ATG12: variants seen among roughly 807,000 people sequenced by gnomAD.
ATG12 encodes ubiquitin-like protein ATG12.
A neutral mutation model predicts 17.6 loss-of-function variants in ATG12; 19 were observed. The observed-to-expected ratio is 1.08, with a 90% confidence interval of 0.75 to 1.58. The LOEUF is 1.58. ATG12 is among the 40% of genes most tolerant of loss of function. The pLI is 0.00. For synonymous variants in ATG12, 75 were observed against 62.4 expected (o/e 1.20, Z -0.95); for missense variants, 214 against 162.0 (o/e 1.32, Z -1.74).
chr5:115,840,175 A>T (rs935698303), intron 1 of ATG12, among the ~76,000 whole-genome samples: 1 of 152,248 alleles, frequency 6.6e-6, no homozygotes, highest in Non-Finnish European at 1.5e-5. Context: ...TATCCATGGA[A>T]ATACTTATAG....
chr5:115,832,152 T>C (rs1760894053), intron 3 of ATG12, among the ~76,000 whole-genome samples: 1 of 152,076 alleles, frequency 6.6e-6, no homozygotes, highest in Non-Finnish European at 1.5e-5. Flanking sequence ...TTAGCTGTTT[T>C]CTAGTAGTGG....
At position 115,831,401 on chromosome 5, in the gene ATG12, C is replaced by A; in HGVS notation, c.*403G>T. 5.2e-6 allele frequency: 1 copy of A among 190,652 alleles called. No homozygotes were observed. The highest frequency in any genetic ancestry group is 1.1e-5 in the Non-Finnish European group (1 of 93,226). 11.8% of individuals were successfully genotyped at this position (190,652 alleles called of 1,614,324 possible). A position where few individuals can be genotyped will look rare whatever the true frequency, so the allele number is the denominator to read the frequency against. ...AGGTCAATGTGACTAAAAAGGTAAA[C>A]ATAGAGATAAATGTAAACATTAAAA... On this transcript the variant is annotated 3_prime_UTR_variant, in exon 4 of 4. Coordinates refer to ENST00000509910, the MANE Select transcript of ATG12 (RefSeq NM_004707.4).
intron 1 of ATG12, chr5:115,840,587 CG>C (rs1385350338): frequency 1.3e-5 from 16 of 1,278,010 alleles, no homozygotes; most frequent in Admixed American, 7.3e-5. Flanking sequence ...AGTGAGCCAC[CG>C]CGCCCGGCCA....
Position 115,837,469 on chromosome 5 carries a change from C to CA in ATG12, c.300+158dup, listed in dbSNP as rs374936764. The stretch of plus-strand genomic sequence containing the variant: ...CCTGGGCAACAGAGCGAGACTGTCT[C>CA]AAAAAAAAAAAATGAATAAATAAAA... On this transcript the variant is annotated intron_variant, in intron 2 of 3. Transcript: ENST00000509910. Among the ~76,000 whole-genome samples the CA allele has an allele frequency of 4.4e-3, 556 of 126,760 alleles. 2 individuals carry two copies. The highest frequency in any genetic ancestry group is 6.8e-3 in the South Asian group (26 of 3,798). The allele number at this position is 126,760 out of a possible 152,430, so 83.2% of individuals were successfully genotyped here.
At position 115,829,196 on chromosome 5, in the gene ATG12, T is replaced by A. The variant is rs1760762474; in HGVS notation, c.*2608A>T. The A allele has an allele frequency of 6.6e-6, 1 of 152,234 alleles. No individual in the cohort carries two copies. Among genetic ancestry groups the A allele is most frequent in the African/African-American group, 2.4e-5 (1 of 41,450 alleles). 9.4% of individuals were successfully genotyped at this position (152,234 alleles called of 1,614,324 possible). On this transcript the variant is annotated 3_prime_UTR_variant, in exon 4 of 4. Transcript: ENST00000509910. The stretch of plus-strand genomic sequence containing the variant: ...GGCTTCCTTAGTGCCAAAAGTTTAC[T>A]CAGCATATTATAATCCTTGGAAAAT...
At position 115,837,675 on chromosome 5, in the gene ATG12, T is replaced by C. The variant is rs774173329; in HGVS notation, c.253A>G (p.Ile85Val). 1.2e-5 allele frequency: 20 copies of C among 1,612,990 alleles called. No individual in the cohort carries two copies. Among genetic ancestry groups the C allele is most frequent in the Admixed American group, 1.7e-5 (1 of 59,894 alleles). Residue 85 changes from isoleucine (I) to valine (V), a missense_variant, in exon 2 of 4, where the codon ATT (isoleucine) becomes GTT (valine). By Grantham distance (29) the Ile-to-Val change is conservative (BLOSUM62 3). Transcript: ENST00000509910. ...TTAAGAAACTTTTTGATGAAGTCAA[T>C]GAGTCCTTGGATGGTTCGTGTTCGC... is the stretch of plus-strand genomic sequence containing the variant. ...VERTRTIQGL[I>V]DFIKKFLKLV...
chr5:115,831,726 C>T lies in ATG12; in HGVS notation c.*78G>A. The T allele has an allele frequency of 7.3e-7, 1 of 1,370,864 alleles. No individual in the cohort carries two copies. 84.9% of individuals were successfully genotyped at this position (1,370,864 alleles called of 1,614,324 possible). A position where few individuals can be genotyped will look rare whatever the true frequency, so the allele number is the denominator to read the frequency against. On this transcript the variant is annotated 3_prime_UTR_variant, in exon 4 of 4. Transcript: ENST00000509910. ...ATCACATCTGTTAAGTCTCTTGCCA[C>T]AAGCATCAAAACTTTTCAGAGCTGT...
intron 2 of ATG12, chr5:115,833,774 C>T (rs2112721040): frequency 6.6e-6 from 1 of 152,256 alleles, no homozygotes; most frequent in East Asian, 1.9e-4. Flanking sequence ...AAACAATGTG[C>T]ATTATAATGT....
intron 2 of ATG12, 187 bp from the exon 3 acceptor site, chr5:115,832,851 G>T: frequency 2.0e-6 from 1 of 489,240 alleles, no homozygotes; most frequent in Non-Finnish European, 3.5e-6. Flanking sequence ...TCCTCCAGAG[G>T]AATAAAAATA....
At chr5:115,838,193 T>G (rs1761185204) in intron 1 of ATG12, 1 of 152,868 alleles carries the variant, frequency 6.5e-6, no homozygotes, top group South Asian at 2.0e-4. Context: ...GTAATACAGA[T>G]CCTAATAAAG....
chr5:115,836,283 C>T (rs1761095492), intron 2 of ATG12, among the ~76,000 whole-genome samples: 1 of 152,162 alleles, frequency 6.6e-6, no homozygotes, highest in African/African-American at 2.4e-5. Context: ...TGAATGAATA[C>T]AGGCAATACA....
intron 1 of ATG12, 64 bp downstream of exon 1, chr5:115,841,326 C>A: frequency 6.3e-7 from 1 of 1,599,778 alleles, no homozygotes; most frequent in Non-Finnish European, 8.5e-7. Flanking sequence ...CTTTACTGGC[C>A]GCCACCCCTA....
chr5:115,837,229 A>G (rs1468046521), intron 2 of ATG12, among the ~76,000 whole-genome samples: 1 of 152,228 alleles, frequency 6.6e-6, no homozygotes, highest in South Asian at 2.1e-4. Context: ...CCTTTGATAA[A>G]GTACATAAAC....
chr5:115,841,225 A>T, intron 1 of ATG12, 165 bp downstream of exon 1: 2 of 827,874 alleles, frequency 2.4e-6, no homozygotes, highest in Non-Finnish European at 3.8e-6. Context: ...CACTCAACTT[A>T]AAGGCCTTAA....
intron 2 of ATG12, 137 bp from the exon 3 acceptor site, chr5:115,832,801 A>T: frequency 1.3e-6 from 1 of 787,244 alleles, no homozygotes; most frequent in Non-Finnish European, 1.9e-6. Context: ...AACTTTTCTA[A>T]ATAGTCAATT....
Position 115,831,343 on chromosome 5 carries a change from C to T in ATG12, c.*461G>A, listed in dbSNP as rs1760861683. 1.3e-5 allele frequency: 2 copies of T among 159,078 alleles called. No homozygotes were observed. The highest frequency in any genetic ancestry group is 1.3e-4 in the Admixed American group (2 of 15,544). The allele number at this position is 159,078 out of a possible 1,614,324, so 9.9% of individuals were successfully genotyped here. On this transcript the variant is annotated 3_prime_UTR_variant, in exon 4 of 4. Coordinates refer to ENST00000509910, the MANE Select transcript of ATG12 (RefSeq NM_004707.4). The stretch of plus-strand genomic sequence containing the variant: ...TAACCTTTTCTGCCTGGTGGACTGC[C>T]CTCTACTGGACTATTTGAGGTATTC...
At chr5:115,835,236 T>C (rs1178703627) in intron 2 of ATG12, 2 of 152,214 alleles carry the variant, frequency 1.3e-5, no homozygotes, top group African/African-American at 2.4e-5. Flanking sequence ...TAGGTGTATA[T>C]TTCTGGCTTG....
intron 2 of ATG12, among the ~76,000 whole-genome samples, chr5:115,835,634 T>C (rs769889034): frequency 4.6e-5 from 7 of 152,196 alleles, no homozygotes; most frequent in Non-Finnish European, 8.8e-5. Flanking sequence ...AAGTCCTTAG[T>C]GCAAATGTAT....
At chr5:115,833,882 C>G (rs1409681232) in intron 2 of ATG12, 2 of 152,108 alleles carry the variant, frequency 1.3e-5, no homozygotes, top group Admixed American at 1.3e-4. Flanking sequence ...AGGGGAAGGG[C>G]TCTCAATAAC....
Sources: gnomAD v4.1 joint callset for allele counts (sites outside exome capture counted in the v4.1 genomes callset) on GRCh38, gnomAD v4.1.1 for gene constraint, MANE v1.5 for transcripts, NCBI Gene and HGNC (gene_info 2026-07-23, HGNC 2026-07-21) for gene names.